The following GPBP1L1 variants were observed in gnomAD, a reference collection of about 807,000 sequenced individuals.
GPBP1L1 encodes the protein GC-rich promoter binding protein 1 like 1.
Under a neutral mutation model 52.5 loss-of-function variants are expected in GPBP1L1, and 23 were observed. The ratio of observed to expected loss-of-function variants is 0.44; its 90% CI spans 0.32 to 0.62. The LOEUF (loss-of-function observed/expected upper bound fraction) is 0.62, where lower values mean the gene tolerates loss of function less well. GPBP1L1 is among the 20% of genes least tolerant of loss of function. The pLI, the probability that GPBP1L1 is intolerant of heterozygous loss-of-function variation, is 0.06. For synonymous variants in GPBP1L1, 243 were observed against 203.1 expected, an observed-to-expected ratio of 1.20 and a Z score of -1.67; for missense variants, 596 against 579.3, an observed-to-expected ratio of 1.03 and a Z score of -0.30.
At chr1:45,641,677 G>A (rs762809465) in intron 7 of GPBP1L1, 2 of 152,020 alleles carry the variant, frequency 1.3e-5, no homozygotes, top group Non-Finnish European at 2.9e-5. Flanking sequence ...TTAGCCGGGC[G>A]TGGTGGCATA....
chr1:45,632,273 C>T (rs1037440499), intron 10 of GPBP1L1, among the ~76,000 whole-genome samples: 1 of 152,110 alleles, frequency 6.6e-6, no homozygotes, highest in Non-Finnish European at 1.5e-5. Context: ...TGTGGTGGCA[C>T]ATGCCTGTAA....
chr1:45,642,582 C>T, intron 6 of GPBP1L1, 83 bp from the exon 7 acceptor site: 1 of 934,296 alleles, frequency 1.1e-6, no homozygotes, highest in Non-Finnish European at 1.7e-6. Flanking sequence ...ACCATGGAAC[C>T]TATCAAATAA....
chr1:45,673,835 G>A (rs1255975202), intron 2 of GPBP1L1, among the ~76,000 whole-genome samples: 3 of 152,150 alleles, frequency 2.0e-5, no homozygotes, highest in Non-Finnish European at 4.4e-5. Context: ...CTCCAGGCCA[G>A]GCAACAGAGC....
chr1:45,653,636 A>G (rs1397723105), intron 6 of GPBP1L1, among the ~76,000 whole-genome samples: 2 of 152,090 alleles, frequency 1.3e-5, no homozygotes, highest in African/African-American at 4.8e-5. Flanking sequence ...CTGGGATTAC[A>G]GGCATGAGCC....
chr1:45,659,635 A>G (rs980300070), intron 3 of GPBP1L1, among the ~76,000 whole-genome samples: 2 of 152,232 alleles, frequency 1.3e-5, no homozygotes, highest in African/African-American at 4.8e-5. Context: ...GGTAACTTCT[A>G]GCAAAAGCAG....
intron 2 of GPBP1L1, among the ~76,000 whole-genome samples, chr1:45,668,545 T>C (rs898773648): frequency 6.6e-6 from 1 of 152,068 alleles, no homozygotes; most frequent in Non-Finnish European, 1.5e-5. Flanking sequence ...TCCTAGCTAG[T>C]TGGGCTGTTG....
chr1:45,669,872 A>G (rs763919577), intron 2 of GPBP1L1, among the ~76,000 whole-genome samples: 19 of 149,164 alleles, frequency 1.3e-4, no homozygotes, highest in African/African-American at 2.7e-4. Flanking sequence ...AATGAAAAAC[A>G]TAAGTTGGCA....
chr1:45,640,291 A>G lies in GPBP1L1; in HGVS notation c.663T>C (p.His221=). Residue 221 remains histidine, a synonymous_variant, in exon 8 of 13, where the codon CAT becomes CAC. Transcript: ENST00000355105. ...CGGATGACAATTTGTTCCCATTTGC[A>G]TGGTGAGATCCTGGTGAGGTGAATG... The part of the protein sequence containing the change: ...SAAFTSPGSH[H]ANGNKLSSVV... 1 of 1,614,178 alleles carries G rather than the reference A, an allele frequency of 6.2e-7. No homozygotes were observed. Among genetic ancestry groups the G allele is most frequent in the Non-Finnish European group, 8.5e-7 (1 of 1,180,014 alleles).
At chr1:45,638,485 A>G (rs559329764) in intron 8 of GPBP1L1, among the ~76,000 whole-genome samples, 10 of 152,266 alleles carry the variant, frequency 6.6e-5, no homozygotes, top group Admixed American at 1.3e-4. Flanking sequence ...ACCCACTTGT[A>G]TTTCTGTGAG....
At chr1:45,640,494 C>T (rs993795025) in intron 7 of GPBP1L1, 91 bp from the exon 8 acceptor site, 8 of 1,004,650 alleles carry the variant, frequency 8.0e-6, no homozygotes, top group African/African-American at 1.6e-5. Context: ...GTCAACAAAA[C>T]AGCTGACAGT....
At chr1:45,659,378 TG>T (rs1465212455) in intron 3 of GPBP1L1, among the ~76,000 whole-genome samples, 2 of 152,204 alleles carry the variant, frequency 1.3e-5, no homozygotes, top group African/African-American at 4.8e-5. Context: ...ATTTATTTTT[TG>T]GAGAGGAAGG....
rs900359954 is a variant in GPBP1L1, at chr1:45,628,204, C to T, written c.*52G>A. The T allele has an allele frequency of 1.3e-6, 2 of 1,550,826 alleles. No individual in the cohort carries two copies. Among genetic ancestry groups the T allele is most frequent in the African/African-American group, 1.4e-5 (1 of 73,730 alleles). On this transcript the variant is annotated 3_prime_UTR_variant, in exon 13 of 13. Coordinates refer to ENST00000355105, the MANE Select transcript of GPBP1L1 (RefSeq NM_021639.5). ...AAAGAACGATTTCTTTTGTATACTC[C>T]CTAAACACACAGAGTTTACTGGGTC...
rs117392781 is a variant in GPBP1L1 at position 45,629,257 on chromosome 1, C to G, written c.1272+319G>C. ...AAGCAGAGGAAGGTGAACCTGCTTC[C>G]TTAAAGACCAAGAGCTCAGACCATA... On this transcript the variant is annotated intron_variant, in intron 12 of 12. Transcript: ENST00000355105. Among the ~76,000 whole-genome samples, 457 of 152,326 alleles carry G rather than the reference C, an allele frequency of 3.0e-3. 3 individuals carry two copies. The highest frequency in any genetic ancestry group is 0.022 in the East Asian group (114 of 5,188).
intron 10 of GPBP1L1, among the ~76,000 whole-genome samples, chr1:45,631,044 A>G (rs1192030448): frequency 1.3e-5 from 2 of 152,146 alleles, no homozygotes; most frequent in Non-Finnish European, 1.5e-5. Flanking sequence ...TGGAGAAAAG[A>G]TAGTCTTTTC....
chr1:45,680,480 C>A (rs933289761), intron 2 of GPBP1L1, among the ~76,000 whole-genome samples: 10 of 152,128 alleles, frequency 6.6e-5, no homozygotes, highest in Admixed American at 2.0e-4. Context: ...CTCATGTGAT[C>A]CGCCTGCCTC....
At position 45,654,536 on chromosome 1, in the gene GPBP1L1, T is replaced by C. The variant is rs753185334; in HGVS notation, c.477+7A>G. On this transcript the variant is annotated splice_region_variant and intron_variant, in intron 6 of 12. Coordinates refer to ENST00000355105, the MANE Select transcript of GPBP1L1 (RefSeq NM_021639.5). ...TTCTAACCACACATCTAAAGATTCATACTTACAAAGTCCTCCTCTTCAAAC... is the reference window on the plus strand; with the variant it reads ...TTCTAACCACACATCTAAAGATTCACACTTACAAAGTCCTCCTCTTCAAAC... 4 of 1,602,108 alleles carry C rather than the reference T, an allele frequency of 2.5e-6. No individual in the cohort carries two copies. The highest frequency in any genetic ancestry group is 1.7e-5 in the Admixed American group (1 of 59,352).
At chr1:45,655,343 G>T (rs1644872443) in intron 4 of GPBP1L1, 24 bp from the exon 5 acceptor site, 5 of 1,612,720 alleles carry the variant, frequency 3.1e-6, no homozygotes, top group Non-Finnish European at 3.4e-6. Flanking sequence ...GTATGGAGAG[G>T]CAAATGGATA....
chr1:45,658,270 T>C (rs970249008), intron 4 of GPBP1L1, among the ~76,000 whole-genome samples: 1 of 152,202 alleles, frequency 6.6e-6, no homozygotes, highest in African/African-American at 2.4e-5. Context: ...CTTTTCCTCC[T>C]CTTCATCTAT....
chr1:45,656,151 C>T (rs972506860), intron 4 of GPBP1L1: 2 of 152,008 alleles, frequency 1.3e-5, no homozygotes, highest in African/African-American at 2.4e-5. Context: ...GGCATCATAC[C>T]CATTTTACTC....
Sources: gnomAD v4.1 joint callset for allele counts (sites outside exome capture counted in the v4.1 genomes callset) on GRCh38, gnomAD v4.1.1 for gene constraint, MANE v1.5 for transcripts, NCBI Gene and HGNC (gene_info 2026-07-23, HGNC 2026-07-21) for gene names.